KHDRBS3: variants seen among roughly 807,000 people sequenced by gnomAD.
KHDRBS3 encodes the protein KH domain-containing, RNA-binding, signal transduction-associated protein 3.
In KHDRBS3, 23 loss-of-function variants were observed where a neutral mutation model predicts 45.6. That is an observed-to-expected ratio of 0.50 (90% confidence interval 0.36 to 0.72). KHDRBS3 has a LOEUF of 0.72. KHDRBS3 is among the 30% of genes least tolerant of loss of function. The pLI is 0.00. For synonymous variants in KHDRBS3, 162 were observed against 156.5 expected, an observed-to-expected ratio of 1.04 and a Z score of -0.26; for missense variants, 352 against 424.8, an observed-to-expected ratio of 0.83 and a Z score of 1.51.
intron 1 of KHDRBS3, among the ~76,000 whole-genome samples, chr8:135,501,277 A>G (rs1823723144): frequency 1.3e-5 from 2 of 152,250 alleles, no homozygotes; most frequent in Non-Finnish European, 2.9e-5. Flanking sequence ...TAAGGTCTTC[A>G]GACATATCCA....
intron 6 of KHDRBS3, among the ~76,000 whole-genome samples, chr8:135,589,168 AACAG>A (rs1828623690): frequency 6.6e-6 from 1 of 152,206 alleles, no homozygotes. Context: ...ATGGATGCAC[AACAG>A]ACAGAGGTTG....
At chr8:135,529,911 C>T (rs1370896895) in intron 2 of KHDRBS3, among the ~76,000 whole-genome samples, 2 of 151,656 alleles carry the variant, frequency 1.3e-5, no homozygotes, top group Admixed American at 6.6e-5. Flanking sequence ...ATTAGCCAGG[C>T]GTGGTGGCGG....
intron 6 of KHDRBS3, among the ~76,000 whole-genome samples, chr8:135,586,710 G>C (rs1051483944): frequency 2.6e-5 from 4 of 152,018 alleles, no homozygotes; most frequent in Non-Finnish European, 4.4e-5. Flanking sequence ...AATCTCCTTG[G>C]AATATATCCA....
At chr8:135,593,254 G>A (rs1434119113) in intron 6 of KHDRBS3, 1 of 152,048 alleles carries the variant, frequency 6.6e-6, no homozygotes, top group Non-Finnish European at 1.5e-5. Context: ...CATATTTTGG[G>A]TTGGCATGCC....
intron 3 of KHDRBS3, among the ~76,000 whole-genome samples, chr8:135,548,391 G>A (rs1229287004): frequency 1.3e-5 from 2 of 152,204 alleles, no homozygotes; most frequent in Non-Finnish European, 2.9e-5. Context: ...AGCTCAGCCA[G>A]GTTGAGAAGC....
At chr8:135,485,870 T>A (rs953008745) in intron 1 of KHDRBS3, among the ~76,000 whole-genome samples, 3 of 104,662 alleles carry the variant, frequency 2.9e-5, no homozygotes, top group East Asian at 2.7e-4. Flanking sequence ...ATATATATAT[T>A]TTATTTTTCT....
At chr8:135,606,729 G>A in intron 6 of KHDRBS3, among the ~76,000 whole-genome samples, 1 of 152,098 alleles carries the variant, frequency 6.6e-6, no homozygotes, top group East Asian at 1.9e-4. Flanking sequence ...AATTTCCAGG[G>A]TTCTGAAAAT....
intron 4 of KHDRBS3, among the ~76,000 whole-genome samples, chr8:135,552,659 T>A (rs894948863): frequency 4.6e-5 from 7 of 152,242 alleles, no homozygotes; most frequent in Admixed American, 6.5e-5. Context: ...TAATTTTTTT[T>A]ATTTTTTTGT....
chr8:135,528,569 T>C (rs1825311545), intron 2 of KHDRBS3, among the ~76,000 whole-genome samples: 1 of 152,192 alleles, frequency 6.6e-6, no homozygotes, highest in Non-Finnish European at 1.5e-5. Context: ...AGAAATAAAG[T>C]GATAATGTAC....
chr8:135,607,482 A>G (rs1033159274), intron 7 of KHDRBS3, among the ~76,000 whole-genome samples: 1 of 152,188 alleles, frequency 6.6e-6, no homozygotes, highest in Non-Finnish European at 1.5e-5. Context: ...ATCAACTTCA[A>G]ACTCCTACCT....
At chr8:135,624,008 C>T (rs930769972) in intron 7 of KHDRBS3, among the ~76,000 whole-genome samples, 12 of 152,146 alleles carry the variant, frequency 7.9e-5, no homozygotes, top group South Asian at 2.1e-4. Context: ...TTTTTAGACA[C>T]GGTGCTATAT....
intron 1 of KHDRBS3, among the ~76,000 whole-genome samples, chr8:135,519,441 A>G (rs572122991): frequency 6.6e-6 from 1 of 152,134 alleles, no homozygotes; most frequent in Non-Finnish European, 1.5e-5. Flanking sequence ...ACAAATTTGG[A>G]GGCTCCAGGA....
intron 1 of KHDRBS3, among the ~76,000 whole-genome samples, chr8:135,502,468 T>C (rs1248876999): frequency 6.6e-6 from 1 of 152,216 alleles, no homozygotes. Context: ...TTTCCCTTGA[T>C]TTTTTGACCT....
chr8:135,561,731 T>C (rs1031923546), intron 5 of KHDRBS3, among the ~76,000 whole-genome samples: 1 of 152,070 alleles, frequency 6.6e-6, no homozygotes, highest in Admixed American at 6.6e-5. Flanking sequence ...CTCATAAGAT[T>C]ATGAAAGAAC....
chr8:135,555,563 C>T (rs1826838001), intron 4 of KHDRBS3, among the ~76,000 whole-genome samples: 1 of 152,034 alleles, frequency 6.6e-6, no homozygotes, highest in Admixed American at 6.6e-5. Context: ...CTGTGTATAA[C>T]ATGAAGTATG....
intron 1 of KHDRBS3, among the ~76,000 whole-genome samples, chr8:135,506,404 C>CTT (rs35050617): frequency 1.6e-4 from 22 of 139,786 alleles, no homozygotes; most frequent in Non-Finnish European, 2.4e-4. Context: ...TAACATTCCT[C>CTT]TTTTTTTTTT....
chr8:135,459,465 C>T (rs1257147650), intron 1 of KHDRBS3, among the ~76,000 whole-genome samples: 3 of 152,042 alleles, frequency 2.0e-5, no homozygotes, highest in Admixed American at 6.6e-5. Context: ...ATTTCTATGC[C>T]CTCTGAACAG....
intron 7 of KHDRBS3, among the ~76,000 whole-genome samples, chr8:135,642,609 C>G (rs1831108752): frequency 6.6e-6 from 1 of 152,106 alleles, no homozygotes; most frequent in Non-Finnish European, 1.5e-5. Context: ...ATGTGTTAAG[C>G]CAGCGGAGCT....
intron 3 of KHDRBS3, among the ~76,000 whole-genome samples, chr8:135,543,382 C>A (rs190069614): frequency 6.6e-6 from 1 of 152,082 alleles, no homozygotes; most frequent in Non-Finnish European, 1.5e-5. Context: ...TTTCTCATAT[C>A]ATAATGTGTG....
Sources: allele counts gnomAD v4.1 joint callset (sites outside exome capture counted in the v4.1 genomes callset), GRCh38; gene constraint gnomAD v4.1.1; transcripts MANE v1.5; gene names NCBI Gene and HGNC (gene_info 2026-07-23, HGNC 2026-07-21).